Variants in EFCAB6 observed in about 807,000 individuals in gnomAD.
The protein encoded by EFCAB6 is EF-hand calcium binding domain 6, also known as EF-hand calcium-binding domain-containing protein 6.
A neutral mutation model predicts 169.8 loss-of-function variants in EFCAB6; 156 were observed. The observed-to-expected ratio is 0.92, with a 90% confidence interval of 0.81 to 1.05. The LOEUF is 1.05. EFCAB6 is among the 50% of genes least tolerant of loss of function. The probability of loss-of-function intolerance (pLI) is 0.00; values close to 1 mark genes in which losing one functional copy is unlikely to be tolerated. For missense variants in EFCAB6, 1,800 were observed against 1,829.1 expected (o/e 0.98, Z 0.29); for synonymous variants, 698 against 676.4 (o/e 1.03, Z -0.50).
intron 19 of EFCAB6, among the ~76,000 whole-genome samples, chr22:43,629,860 C>T (rs1295061321): frequency 2.0e-5 from 3 of 152,104 alleles, no homozygotes; most frequent in Non-Finnish European, 1.5e-5. Flanking sequence ...ACAGTGGGCA[C>T]TCCGGTCAGA....
At chr22:43,677,116 T>C (rs916254037) in intron 13 of EFCAB6, among the ~76,000 whole-genome samples, 3 of 152,244 alleles carry the variant, frequency 2.0e-5, no homozygotes, top group Non-Finnish European at 4.4e-5. Flanking sequence ...TTGCATGCAC[T>C]ATCTGAAATT....
At chr22:43,637,443 A>G (rs550963450) in intron 17 of EFCAB6, among the ~76,000 whole-genome samples, 1 of 152,352 alleles carries the variant, frequency 6.6e-6, no homozygotes, top group Admixed American at 6.5e-5. Context: ...TAAATAACAG[A>G]CAGTCTGATT....
At position 43,716,966 on chromosome 22, in the gene EFCAB6, G is replaced by A. The variant is rs140710834; in HGVS notation, c.764C>T (p.Ser255Leu). The change falls in exon 9 of 32, where the codon TCG (serine) becomes TTG (leucine). Residue 255 changes from serine to leucine, a missense_variant. Physicochemically the swap from Ser to Leu is moderately radical, Grantham distance 145. Coordinates refer to ENST00000262726, the MANE Select transcript of EFCAB6 (RefSeq NM_022785.4). Reference sequence around the variant, plus strand: ...ATTTTTGGCTTGTTGATTCTCCAACGAGACCTCTGTTGAAACAAAATAGCT... The same window carrying A: ...ATTTTTGGCTTGTTGATTCTCCAACAAGACCTCTGTTGAAACAAAATAGCT... ...LRYCMGNQEV[S>L]LENQQAKNSK... 3.2e-5 allele frequency: 49 copies of A among 1,539,508 alleles called. No individual in the cohort carries two copies. The African/African-American group carries it at 6.1e-4, about 19-fold the overall frequency.
chr22:43,773,180 G>T, intron 3 of EFCAB6, 77 bp from the exon 4 acceptor site: 1 of 1,435,906 alleles, frequency 7.0e-7, no homozygotes, highest in Non-Finnish European at 9.5e-7. Flanking sequence ...ACTGTTGAAC[G>T]GAACCAAGAA....
chr22:43,556,565 C>T, intron 26 of EFCAB6, among the ~76,000 whole-genome samples: 1 of 152,158 alleles, frequency 6.6e-6, no homozygotes, highest in East Asian at 1.9e-4. Flanking sequence ...ACTTCTAACC[C>T]CTCAACTCCT....
chr22:43,752,290 G>T (rs1210625953), intron 6 of EFCAB6, among the ~76,000 whole-genome samples: 1 of 151,902 alleles, frequency 6.6e-6, no homozygotes. Context: ...GTTAATTTTT[G>T]TATTTTTAGT....
At chr22:43,615,466 A>G (rs2053624925) in intron 21 of EFCAB6, among the ~76,000 whole-genome samples, 1 of 152,164 alleles carries the variant, frequency 6.6e-6, no homozygotes, top group African/African-American at 2.4e-5. Flanking sequence ...AGCATCTTAT[A>G]TTTTTCATGT....
At chr22:43,704,312 A>G (rs2058874752) in intron 10 of EFCAB6, among the ~76,000 whole-genome samples, 1 of 152,160 alleles carries the variant, frequency 6.6e-6, no homozygotes, top group Non-Finnish European at 1.5e-5. Context: ...TCTCCCAGAC[A>G]TACAAAAGCT....
chr22:43,775,399 G>GATCT (rs2061607389), intron 3 of EFCAB6, among the ~76,000 whole-genome samples: 1 of 152,062 alleles, frequency 6.6e-6, no homozygotes, highest in Non-Finnish European at 1.5e-5. Flanking sequence ...TGACATGTGT[G>GATCT]ATCTCCAAGA....
chr22:43,811,419 G>C (rs1014017733), intron 1 of EFCAB6, among the ~76,000 whole-genome samples: 2 of 151,920 alleles, frequency 1.3e-5, no homozygotes, highest in African/African-American at 2.4e-5. Context: ...AAAAAGAAAA[G>C]AAAAGAAGAG....
intron 6 of EFCAB6, among the ~76,000 whole-genome samples, chr22:43,748,026 C>G (rs2060624792): frequency 6.6e-6 from 1 of 152,186 alleles, no homozygotes; most frequent in African/African-American, 2.4e-5. Flanking sequence ...AAGAATCAGG[C>G]CTTAGTCTTC....
At chr22:43,571,009 A>G (rs1391393714) in intron 26 of EFCAB6, among the ~76,000 whole-genome samples, 1 of 152,200 alleles carries the variant, frequency 6.6e-6, no homozygotes, top group African/African-American at 2.4e-5. Flanking sequence ...AAGCAGTATG[A>G]GGAAGGAGCA....
chr22:43,684,078 C>T (rs1458374343), intron 11 of EFCAB6, among the ~76,000 whole-genome samples: 1 of 152,092 alleles, frequency 6.6e-6, no homozygotes, highest in African/African-American at 2.4e-5. Flanking sequence ...GGACCATCTC[C>T]TCTCCCCACG....
chr22:43,590,152 G>A lies in EFCAB6; in HGVS notation c.2954C>T (p.Ser985Phe). 1 of 1,614,162 alleles carries A rather than the reference G, an allele frequency of 6.2e-7. No homozygotes were observed. Residue 985 changes from serine (S) to phenylalanine (F), a missense_variant, in exon 24 of 32, where the codon TCC becomes TTC. Transcript: ENST00000262726. Reference protein sequence around the residue: ...KTDQSKTNYISICKMQEVLEE... With the variant: ...KTDQSKTNYIFICKMQEVLEE... ...CAGCACTTCCTGCATCTTGCATATGGATATGTAGTTGGTTTTGGATTGATC... is the reference window on the plus strand; with the variant it reads ...CAGCACTTCCTGCATCTTGCATATGAATATGTAGTTGGTTTTGGATTGATC...
intron 12 of EFCAB6, among the ~76,000 whole-genome samples, chr22:43,683,399 T>C (rs1036373625): frequency 1.3e-5 from 2 of 152,066 alleles, no homozygotes; most frequent in Non-Finnish European, 2.9e-5. Context: ...TAGGTTAGGG[T>C]GGGGAAGGGT....
chr22:43,766,928 T>C (rs1040805201), intron 4 of EFCAB6, among the ~76,000 whole-genome samples: 12 of 152,256 alleles, frequency 7.9e-5, no homozygotes, highest in Admixed American at 7.8e-4. Flanking sequence ...GGCACAATCT[T>C]GGCTCACTGC....
Position 43,572,513 on chromosome 22 carries a change from C to T in EFCAB6, c.3420+3784G>A, listed in dbSNP as rs895916849. ...TCAAAGCCAAAGTCTTTACAAGGAC[C>T]CCAAGCCTACGGCCGCCTGGCTCCT... On this transcript the variant is annotated intron_variant, in intron 26 of 31. Coordinates refer to ENST00000262726, the MANE Select transcript of EFCAB6 (RefSeq NM_022785.4). This position sits in a 1 kb window ranked among gnomAD's most constrained non-coding sequence, Gnocchi z 4.0. Among the ~76,000 whole-genome samples, 1 of 152,120 alleles carries T rather than the reference C, an allele frequency of 6.6e-6. No homozygotes were observed. The highest frequency in any genetic ancestry group is 6.5e-5 in the Admixed American group (1 of 15,272).
intron 10 of EFCAB6, among the ~76,000 whole-genome samples, chr22:43,710,268 T>C (rs931717419): frequency 3.3e-5 from 5 of 152,160 alleles, no homozygotes; most frequent in African/African-American, 1.2e-4. Context: ...ACGTTTGTCA[T>C]ACCACAAAGC....
intron 27 of EFCAB6, among the ~76,000 whole-genome samples, chr22:43,540,754 C>G (rs2047668123): frequency 6.6e-6 from 1 of 152,178 alleles, no homozygotes; most frequent in South Asian, 2.1e-4. Context: ...CATTTCTCAC[C>G]CTTCCAGGTA....
Sources: allele counts gnomAD v4.1 joint callset (sites outside exome capture counted in the v4.1 genomes callset), GRCh38; gene constraint gnomAD v4.1.1; non-coding constraint Gnocchi (gnomAD v3.1); transcripts MANE v1.5; gene names NCBI Gene and HGNC (gene_info 2026-07-23, HGNC 2026-07-21).